NFAT5: variants seen among roughly 807,000 people sequenced by gnomAD.
NFAT5 encodes nuclear factor of activated T cells 5.
In NFAT5, 31 loss-of-function variants were observed where a neutral mutation model predicts 166.5. The ratio of observed to expected loss-of-function variants is 0.19; its 90% CI spans 0.14 to 0.25. NFAT5 has a LOEUF of 0.25. NFAT5 is among the 10% of genes least tolerant of loss of function. The pLI, the probability that NFAT5 is intolerant of heterozygous loss-of-function variation, is 1.00. For missense variants in NFAT5, 1,449 were observed against 1,821.8 expected (o/e 0.80, Z 3.72); for synonymous variants, 612 against 639.7 (o/e 0.96, Z 0.65).
chr16:69,670,667 G>A (rs1270124588), intron 9 of NFAT5, among the ~76,000 whole-genome samples: 1 of 152,096 alleles, frequency 6.6e-6, no homozygotes, highest in African/African-American at 2.4e-5. Context: ...AAACCTTCTT[G>A]TGTTTAGAAG....
intron 2 of NFAT5, among the ~76,000 whole-genome samples, chr16:69,605,018 A>G (rs564360664): frequency 6.6e-6 from 1 of 152,280 alleles, no homozygotes; most frequent in East Asian, 1.9e-4. Flanking sequence ...ACATCCTATA[A>G]TAGCATATGT....
At position 69,702,583 on chromosome 16, in the gene NFAT5, T is replaced by C. The variant is rs555626793; in HGVS notation, c.*6232T>C. 4.3e-4 allele frequency: 66 copies of C among 152,388 alleles called. No homozygotes were observed. The highest frequency in any genetic ancestry group is 1.5e-3 in the African/African-American group (62 of 41,566). 9.4% of individuals were successfully genotyped at this position (152,388 alleles called of 1,614,324 possible). On this transcript the variant is annotated 3_prime_UTR_variant, in exon 15 of 15. Transcript: ENST00000349945. ...GCTAGTATCAGTATCACCTGGGAAC[T>C]AGTTAGAAATGTAAATTCTTTGGCC...
intron 7 of NFAT5, among the ~76,000 whole-genome samples, chr16:69,666,989 G>A (rs1414977612): frequency 1.3e-5 from 2 of 150,386 alleles, no homozygotes; most frequent in African/African-American, 4.9e-5. Context: ...ATACTATGCA[G>A]CCATAAAAAA....
intron 3 of NFAT5, among the ~76,000 whole-genome samples, chr16:69,642,201 T>G (rs1159980906): frequency 3.9e-5 from 6 of 152,358 alleles, no homozygotes; most frequent in African/African-American, 7.2e-5. Flanking sequence ...AGACATTATT[T>G]AATATCTGCC....
intron 1 of NFAT5, 21 bp from the exon 2 acceptor site, chr16:69,568,474 A>C (rs1263479935): frequency 3.7e-6 from 6 of 1,609,052 alleles, no homozygotes; most frequent in Non-Finnish European, 5.1e-6. Context: ...AAAAGTACCT[A>C]ATGCTTTTTG....
Position 69,638,727 on chromosome 16 carries a change from C to T in NFAT5, c.254-8301C>T, listed in dbSNP as rs1355741795. 1.0e-4 allele frequency among the ~76,000 whole-genome samples: 14 copies of T among 135,000 alleles called. 2 individuals are homozygous for T. Among genetic ancestry groups the T allele is most frequent in the East Asian group, 4.3e-4 (2 of 4,630 alleles). The allele number at this position is 135,000 out of a possible 152,430, so 88.6% of individuals were successfully genotyped here. On this transcript the variant is annotated intron_variant, in intron 3 of 14. Transcript: ENST00000349945. The stretch of plus-strand genomic sequence containing the variant: ...CTCCAGTTTGGGCAACAGAGAGAGA[C>T]TCGGTCTCAAAAAAAAAAAAAAAAA...
chr16:69,652,333 T>C (rs1230539910), intron 4 of NFAT5, among the ~76,000 whole-genome samples: 3 of 151,514 alleles, frequency 2.0e-5, no homozygotes, highest in Admixed American at 6.6e-5. Flanking sequence ...ACGCCTGTAA[T>C]CCCAGCTACT....
Position 69,692,599 on chromosome 16 carries a change from C to A in NFAT5, c.2774C>A (p.Ala925Glu), listed in dbSNP as rs748304427. The part of the protein sequence containing the change: ...VMEMQQSICQ[A>E]AAQIQSELFP... ...GAGATGCAACAGAGTATCTGCCAGG[C>A]AGCTGCCCAGATTCAGTCAGAGTTA... The change falls in exon 13 of 15, where the codon GCA becomes GAA. Residue 925 changes from alanine to glutamate, a missense_variant. This residue lies in a region of NFAT5 where 891 missense variants were observed against 993.0 expected (regional missense o/e 0.90). Coordinates refer to ENST00000349945, the MANE Select transcript of NFAT5 (RefSeq NM_138713.4). 1.9e-6 allele frequency: 3 copies of A among 1,614,210 alleles called. No homozygotes were observed. Among genetic ancestry groups the A allele is most frequent in the Non-Finnish European group, 2.5e-6 (3 of 1,180,044 alleles).
intron 10 of NFAT5, among the ~76,000 whole-genome samples, chr16:69,678,365 C>T (rs544830869): frequency 6.6e-6 from 1 of 151,864 alleles, no homozygotes; most frequent in East Asian, 2.0e-4. Context: ...CGGGTGTACA[C>T]CACCACGCCC....
intron 1 of NFAT5, among the ~76,000 whole-genome samples, chr16:69,567,002 G>GA (rs759369831): frequency 2.4e-4 from 37 of 152,132 alleles, no homozygotes; most frequent in Non-Finnish European, 4.4e-4. Flanking sequence ...GGGCCCGATG[G>GA]AAAGGGCCCG....
Position 69,617,025 on chromosome 16 carries a change from G to A in NFAT5, c.128-9378G>A, listed in dbSNP as rs1160066130. ...GTGGCGCGATCTCGGCTCACTGCAA[G>A]CTCCGCCTCCCGGGTTCACGCCATT... On this transcript the variant is annotated intron_variant, in intron 2 of 14. Coordinates refer to ENST00000349945, the MANE Select transcript of NFAT5 (RefSeq NM_138713.4). Among the ~76,000 whole-genome samples the A allele has an allele frequency of 2.0e-5, 3 of 149,800 alleles. No homozygotes were observed. The East Asian group carries it at 5.9e-4, about 29-fold the overall frequency.
At chr16:69,660,718 A>C (rs1277891122) in intron 7 of NFAT5, among the ~76,000 whole-genome samples, 1 of 152,136 alleles carries the variant, frequency 6.6e-6, no homozygotes, top group Non-Finnish European at 1.5e-5. Context: ...TTATGTTGTT[A>C]TATATGTCTC....
intron 2 of NFAT5, among the ~76,000 whole-genome samples, chr16:69,617,997 A>T (rs1178351388): frequency 6.6e-6 from 1 of 152,014 alleles, no homozygotes; most frequent in African/African-American, 2.4e-5. Context: ...TGTCTCTACT[A>T]AAAATACAAA....
At position 69,701,669 on chromosome 16, in the gene NFAT5, CTG is replaced by C. The variant is rs1309735021; in HGVS notation, c.*5321_*5322del. 6.6e-6 allele frequency: 1 copy of C among 152,226 alleles called. No individual in the cohort carries two copies. Among genetic ancestry groups the C allele is most frequent in the East Asian group, 1.9e-4 (1 of 5,194 alleles). The allele number at this position is 152,226 out of a possible 1,614,324, so 9.4% of individuals were successfully genotyped here. A position where few individuals can be genotyped will look rare whatever the true frequency, so the allele number is the denominator to read the frequency against. On this transcript the variant is annotated 3_prime_UTR_variant, in exon 15 of 15. Transcript: ENST00000349945. ...TGAATACTCATGAGAATTTTAGCAT[CTG>C]TGAAACTCCATGCACCAGATGTGTG...
chr16:69,611,784 G>A (rs2033714543), intron 2 of NFAT5, among the ~76,000 whole-genome samples: 1 of 152,204 alleles, frequency 6.6e-6, no homozygotes, highest in Non-Finnish European at 1.5e-5. Flanking sequence ...TACATTGGAT[G>A]TTAGGTTCCA....
chr16:69,690,344 C>T (rs555784331), intron 11 of NFAT5, among the ~76,000 whole-genome samples: 39 of 151,952 alleles, frequency 2.6e-4, no homozygotes, highest in African/African-American at 9.4e-4. Context: ...GTTTAAAGTC[C>T]AGTCTAAAAG....
chr16:69,670,793 G>A (rs2036593497), intron 9 of NFAT5, among the ~76,000 whole-genome samples: 1 of 152,158 alleles, frequency 6.6e-6, no homozygotes, highest in African/African-American at 2.4e-5. Flanking sequence ...TTCGTATTTA[G>A]AGCAGACAGG....
At chr16:69,584,778 C>A (rs1470440200) in intron 2 of NFAT5, among the ~76,000 whole-genome samples, 2 of 151,906 alleles carry the variant, frequency 1.3e-5, no homozygotes, top group East Asian at 3.9e-4. Flanking sequence ...CAGAGTAAGA[C>A]CCTGTCTCAA....
chr16:69,685,021 T>G (rs1390020607), intron 11 of NFAT5, 51 bp downstream of exon 11: 1 of 1,237,158 alleles, frequency 8.1e-7, no homozygotes, highest in Non-Finnish European at 1.2e-6. Context: ...CCTGTATGTT[T>G]TCTCTAGCAC....
Sources: allele counts gnomAD v4.1 joint callset (sites outside exome capture counted in the v4.1 genomes callset), GRCh38; gene constraint gnomAD v4.1.1; regional missense constraint gnomAD v4.1.1; transcripts MANE v1.5; gene names NCBI Gene and HGNC (gene_info 2026-07-23, HGNC 2026-07-21).